WDFY4: variants seen among roughly 807,000 people sequenced by gnomAD.
WDFY4 encodes the protein WDFY family member 4.
WDFY4 carries 169 observed loss-of-function variants against 351.9 expected under a neutral mutation model. The observed-to-expected ratio is 0.48, with a 90% CI of 0.42 to 0.55. WDFY4 has a LOEUF of 0.55. Among genes scored for constraint, WDFY4 ranks in the 20% least tolerant of loss-of-function variants. The pLI is 0.00. For synonymous variants in WDFY4, 1,622 were observed against 1,574.6 expected (o/e 1.03, Z -0.71); for missense variants, 3,803 against 3,935.6 (o/e 0.97, Z 0.90).
At chr10:48,761,283 A>G (rs1014546319) in intron 13 of WDFY4, among the ~76,000 whole-genome samples, 1 of 152,210 alleles carries the variant, frequency 6.6e-6, no homozygotes, top group Admixed American at 6.5e-5. Flanking sequence ...GCCAATGTAA[A>G]TGATAACAAG....
At chr10:48,823,609 G>A in intron 35 of WDFY4, 1 of 1,034,584 alleles carries the variant, frequency 9.7e-7, no homozygotes, top group African/African-American at 1.7e-5. Context: ...AGGAGAAATA[G>A]CCCTTGTCAG....
At chr10:48,964,745 C>T (rs1016433514) in intron 54 of WDFY4, among the ~76,000 whole-genome samples, 3 of 152,172 alleles carry the variant, frequency 2.0e-5, no homozygotes, top group Non-Finnish European at 4.4e-5. Context: ...TTGTGCATTC[C>T]CCTGTTGACA....
At chr10:48,742,487 A>G (rs968488499) in intron 11 of WDFY4, among the ~76,000 whole-genome samples, 1 of 152,224 alleles carries the variant, frequency 6.6e-6, no homozygotes, top group African/African-American at 2.4e-5. Context: ...GAGATGGTTC[A>G]TCCCACTCAT....
At chr10:48,835,001 G>T (rs1348255374) in intron 39 of WDFY4, among the ~76,000 whole-genome samples, 1 of 152,208 alleles carries the variant, frequency 6.6e-6, no homozygotes, top group East Asian at 1.9e-4. Flanking sequence ...TCCAAAGCCG[G>T]CTCTGTCTTG....
rs561713685 is a variant in WDFY4, at chr10:48,824,198, T to G, written c.5982+1661T>G. The G allele has an allele frequency of 1.6e-4, 154 of 985,410 alleles. No homozygotes were observed. In the African/African-American group the frequency reaches 2.5e-3, roughly 16 times the overall value. The allele number at this position is 985,410 out of a possible 1,614,324, so 61.0% of individuals were successfully genotyped here. A position where few individuals can be genotyped will look rare whatever the true frequency, so the allele number is the denominator to read the frequency against. On this transcript the variant is annotated intron_variant, in intron 35 of 61. Transcript: ENST00000325239. Reference sequence around the variant, plus strand: ...TGATATGGTGGTTAAGAGCGTGGCTTAAGTGTCCAGTGTGTGTTTGACCCT... The same window carrying G: ...TGATATGGTGGTTAAGAGCGTGGCTGAAGTGTCCAGTGTGTGTTTGACCCT...
chr10:48,805,369 G>C lies in WDFY4; in HGVS notation c.4594G>C (p.Gly1532Arg), dbSNP rs1190167707. The C allele has an allele frequency of 6.5e-7, 1 of 1,549,452 alleles. No homozygotes were observed. Among genetic ancestry groups the C allele is most frequent in the East Asian group, 2.4e-5 (1 of 40,922 alleles). ...LIPSKISTII[G>R]ILACQLRGHF... ...CCCCTCCAAGATCTCCACCATCATT[G>C]GCATCCTGGCCTGTCAGCTGAGGGG... Residue 1532 changes from glycine (G) to arginine (R), a missense_variant, in exon 26 of 62, where the codon GGC becomes CGC. Physicochemically the swap from Gly to Arg is moderately radical, Grantham distance 125. Coordinates refer to ENST00000325239, the MANE Select transcript of WDFY4 (RefSeq NM_001394531.1).
chr10:48,726,066 G>T lies in WDFY4; in HGVS notation c.777G>T (p.Leu259=). The change falls in exon 6 of 62, where the codon CTG becomes CTT. Residue 259 remains leucine, a synonymous_variant. Coordinates refer to ENST00000325239, the MANE Select transcript of WDFY4 (RefSeq NM_001394531.1). The part of the protein sequence containing the change: ...KAQNLSIIQY[L]QATDCVRLSL... ...AGAACCTCAGCATCATCCAGTACCTGCAGGGTATGGCCCGGGAAATTAGAT... is the reference window on the plus strand; with the variant it reads ...AGAACCTCAGCATCATCCAGTACCTTCAGGGTATGGCCCGGGAAATTAGAT... 1 of 1,540,080 alleles carries T rather than the reference G, an allele frequency of 6.5e-7. No individual in the cohort carries two copies. The highest frequency in any genetic ancestry group is 8.8e-7 in the Non-Finnish European group (1 of 1,137,578).
At chr10:48,894,412 G>A (rs1473034046) in intron 44 of WDFY4, among the ~76,000 whole-genome samples, 1 of 152,194 alleles carries the variant, frequency 6.6e-6, no homozygotes, top group African/African-American at 2.4e-5. Context: ...TAGAGTTGGA[G>A]GACCTGGGTT....
In WDFY4 at chr10:48,897,569, C is replaced by T; in HGVS notation, c.7432C>T (p.Leu2478=). 6.5e-7 allele frequency: 1 copy of T among 1,546,678 alleles called. No homozygotes were observed. The change falls in exon 45 of 62, where the codon CTG becomes TTG. Residue 2478 remains leucine (L), a synonymous_variant. Coordinates refer to ENST00000325239, the MANE Select transcript of WDFY4 (RefSeq NM_001394531.1). The part of the protein sequence containing the change: ...MRELRQARFL[L]QDIALEIFFH... ...GGAGCTACGGCAGGCTCGCTTCCTC[C>T]TGCAGGTAAGCACACTGGGTGCTGG...
chr10:48,701,560 C>T (rs570948408), intron 1 of WDFY4, among the ~76,000 whole-genome samples: 2 of 152,326 alleles, frequency 1.3e-5, no homozygotes, highest in South Asian at 2.1e-4. Context: ...ACTTGACCAA[C>T]GTGGAGGCTG....
intron 38 of WDFY4, 79 bp from the exon 39 acceptor site, chr10:48,832,494 C>A: frequency 7.0e-7 from 1 of 1,428,070 alleles, no homozygotes; most frequent in African/African-American, 1.4e-5. Flanking sequence ...CCTGGCTGGC[C>A]CTTTGAAAGC....
At chr10:48,911,047 G>A (rs748307853) in intron 47 of WDFY4, 1 of 282,746 alleles carries the variant, frequency 3.5e-6, no homozygotes, top group Non-Finnish European at 5.3e-6. Flanking sequence ...TCAATCATAT[G>A]TCTCTGCGTG....
intron 31 of WDFY4, among the ~76,000 whole-genome samples, chr10:48,816,675 T>C (rs1386369670): frequency 1.3e-5 from 2 of 152,192 alleles, no homozygotes; most frequent in African/African-American, 4.8e-5. Context: ...ACAAAAGGAA[T>C]CACATGCAAG....
Position 48,788,659 on chromosome 10 carries a change from G to A in WDFY4, c.3938G>A (p.Arg1313His), listed in dbSNP as rs937921782. Residue 1313 changes from arginine (R) to histidine (H), a missense_variant, in exon 21 of 62, where the codon CGC becomes CAC. Coordinates refer to ENST00000325239, the MANE Select transcript of WDFY4 (RefSeq NM_001394531.1). ...IRNAYNEVDS[R>H]LIAKEMNISS... Reference sequence around the variant, plus strand: ...AATGCTTACAATGAGGTGGACAGCCGCCTGATCGCCAAAGAGGTACATCTT... The same window carrying A: ...AATGCTTACAATGAGGTGGACAGCCACCTGATCGCCAAAGAGGTACATCTT... 65 of 1,551,538 alleles carry A rather than the reference G, an allele frequency of 4.2e-5. No homozygotes were observed. Among genetic ancestry groups the A allele is most frequent in the Non-Finnish European group, 5.4e-5 (62 of 1,146,966 alleles).
At chr10:48,783,897 T>C (rs2066308244) in intron 19 of WDFY4, among the ~76,000 whole-genome samples, 2 of 152,222 alleles carry the variant, frequency 1.3e-5, no homozygotes, top group Non-Finnish European at 2.9e-5. Flanking sequence ...AAATATGATA[T>C]TATTATCTGA....
chr10:48,742,857 C>A, intron 11 of WDFY4, 111 bp from the exon 12 acceptor site: 2 of 969,976 alleles, frequency 2.1e-6, no homozygotes, highest in Non-Finnish European at 1.5e-6. Context: ...AACTTGTTGG[C>A]CTGAAGTCGT....
chr10:48,885,933 C>T (rs754614698), intron 43 of WDFY4, among the ~76,000 whole-genome samples: 7 of 152,156 alleles, frequency 4.6e-5, no homozygotes, highest in Non-Finnish European at 8.8e-5. Context: ...TTTTTCTCAG[C>T]AATCTGTGCT....
At chr10:48,974,031 A>G (rs1429553271) in intron 57 of WDFY4, among the ~76,000 whole-genome samples, 1 of 152,176 alleles carries the variant, frequency 6.6e-6, no homozygotes, top group African/African-American at 2.4e-5. Flanking sequence ...AGTTGGGCAC[A>G]TGTGAGAATC....
chr10:48,796,028 C>A (rs935774000), intron 23 of WDFY4, among the ~76,000 whole-genome samples: 1 of 151,964 alleles, frequency 6.6e-6, no homozygotes, highest in Non-Finnish European at 1.5e-5. Context: ...GAGAATGAGG[C>A]TTGAGGAGTG....
Sources: allele counts gnomAD v4.1 joint callset (sites outside exome capture counted in the v4.1 genomes callset), GRCh38; gene constraint gnomAD v4.1.1; transcripts MANE v1.5; gene names NCBI Gene and HGNC (gene_info 2026-07-23, HGNC 2026-07-21).